The following STX1A variants were observed in gnomAD, a reference collection of about 807,000 sequenced individuals.
The protein encoded by STX1A is syntaxin-1A.
A neutral mutation model predicts 37.8 loss-of-function variants in STX1A; 4 were observed. That is an observed-to-expected ratio of 0.11 (90% CI 0.05 to 0.24). The LOEUF is 0.24. STX1A is among the 10% of genes least tolerant of loss of function. STX1A has a pLI of 1.00. For synonymous variants in STX1A, 135 were observed against 147.4 expected (o/e 0.92, Z 0.61); for missense variants, 251 against 399.9 (o/e 0.63, Z 3.18).
In STX1A at chr7:73,704,368, C is replaced by A. The variant is rs781895205; in HGVS notation, c.339G>T (p.Leu113=). ...GCCGCACCTGTGTCTTCCGGATCCT[C>A]AGGTCAGCGGAGGAGCGGTTCAGGC... ...EEGLNRSSAD[L]RIRKTQHSTL... is the part of the protein sequence containing the mutation. The change falls in exon 5 of 10, where the codon CTG becomes CTT. Residue 113 remains leucine, a synonymous_variant. Transcript: ENST00000222812. 3.7e-5 allele frequency: 59 copies of A among 1,614,178 alleles called. No individual in the cohort carries two copies. The highest frequency in any genetic ancestry group is 4.9e-5 in the Non-Finnish European group (58 of 1,180,024).
At position 73,706,698 on chromosome 7, in the gene STX1A, C is replaced by T. The variant is rs557482135; in HGVS notation, c.209-1474G>A. ...CGCCCCACCTGCCAGCAGTGAGAGACCCACTCCCCTGCTCTTTAGAGCCCT... is the reference window on the plus strand; with the variant it reads ...CGCCCCACCTGCCAGCAGTGAGAGATCCACTCCCCTGCTCTTTAGAGCCCT... On this transcript the variant is annotated intron_variant, in intron 3 of 9. Coordinates refer to ENST00000222812, the MANE Select transcript of STX1A (RefSeq NM_004603.4). This position sits in a 1 kb window ranked among gnomAD's most constrained non-coding sequence, Gnocchi z 4.6. 6.6e-6 allele frequency among the ~76,000 whole-genome samples: 1 copy of T among 152,138 alleles called. No homozygotes were observed. Among genetic ancestry groups the T allele is most frequent in the East Asian group, 1.9e-4 (1 of 5,156 alleles).
rs560394163 is a variant in STX1A, at chr7:73,709,443, G to A, written c.31-321C>T. ...TGGGGAGGCAAGCGAGCCTGGGGCC[G>A]GCCGCTCTGTCTGGGCCCTCTGGGT... On this transcript the variant is annotated intron_variant, in intron 1 of 9. Coordinates refer to ENST00000222812, the MANE Select transcript of STX1A (RefSeq NM_004603.4). The surrounding 1 kb of genome is among the most constrained non-coding windows in gnomAD (Gnocchi z 4.2). Among the ~76,000 whole-genome samples the A allele has an allele frequency of 2.6e-5, 4 of 152,178 alleles. No individual in the cohort carries two copies. The highest frequency in any genetic ancestry group is 1.9e-4 in the East Asian group (1 of 5,184).
At chr7:73,703,506 G>A in intron 7 of STX1A, 1 of 686,612 alleles carries the variant, frequency 1.5e-6, no homozygotes, top group Non-Finnish European at 2.7e-6. Context: ...AAGAGGAGGA[G>A]CCGCTGGCCG....
At position 73,703,663 on chromosome 7, in the gene STX1A, G is replaced by A; in HGVS notation, c.540+92C>T. On this transcript the variant is annotated intron_variant, in intron 7 of 9. Coordinates refer to ENST00000222812, the MANE Select transcript of STX1A (RefSeq NM_004603.4). ...AAAACCTGCCTTACAAGGGGTCTGT[G>A]TCCAAATACTGTCCAGACCCAGCAC... 7 of 1,437,350 alleles carry A rather than the reference G, an allele frequency of 4.9e-6. No homozygotes were observed. In the South Asian group the frequency reaches 6.1e-5, roughly 13 times the overall value. The allele number at this position is 1,437,350 out of a possible 1,614,324, so 89.0% of individuals were successfully genotyped here. A position where few individuals can be genotyped will look rare whatever the true frequency, so the allele number is the denominator to read the frequency against.
chr7:73,719,595 G>A lies in STX1A; in HGVS notation c.30+7C>T, dbSNP rs1182990811. The A allele has an allele frequency of 8.3e-7, 1 of 1,208,168 alleles. No homozygotes were observed. The highest frequency in any genetic ancestry group is 3.5e-5 in the East Asian group (1 of 28,762). 74.8% of individuals were successfully genotyped at this position (1,208,168 alleles called of 1,614,324 possible). On this transcript the variant is annotated splice_region_variant and intron_variant, in intron 1 of 9. Coordinates refer to ENST00000222812, the MANE Select transcript of STX1A (RefSeq NM_004603.4). ...GGCGGGCGGCCGCGCGCTGGGGCCG[G>A]ACTCACCGTGCGGAGCTCCTGGGTT...
Position 73,702,663 on chromosome 7 carries a change from G to A in STX1A, c.678+182C>T, listed in dbSNP as rs1798702851. 26 of 1,464,616 alleles carry A rather than the reference G, an allele frequency of 1.8e-5. No individual in the cohort carries two copies. The highest frequency in any genetic ancestry group is 2.4e-5 in the Non-Finnish European group (26 of 1,104,938). The allele number at this position is 1,464,616 out of a possible 1,614,324, so 90.7% of individuals were successfully genotyped here. ...GTCCTTGAAGCTCAAGCAGAGCCATGCAGAGGACAGGGACCTTCGGGTCGG... is the reference window on the plus strand; with the variant it reads ...GTCCTTGAAGCTCAAGCAGAGCCATACAGAGGACAGGGACCTTCGGGTCGG... On this transcript the variant is annotated intron_variant, in intron 8 of 9. Transcript: ENST00000222812. This position sits in a 1 kb window ranked among gnomAD's most constrained non-coding sequence, Gnocchi z 4.7.
chr7:73,704,258 TG>T lies in STX1A; in HGVS notation c.358-3del. ...AAACTTTCTGGACAGCGTGGAGTGC[TG>T]GGGGCCCGAGATGGAGGTGCAGGGG... On this transcript the variant is annotated splice_region_variant and splice_polypyrimidine_tract_variant and intron_variant, in intron 5 of 9. Transcript: ENST00000222812. 1 of 1,614,028 alleles carries T rather than the reference TG, an allele frequency of 6.2e-7. No homozygotes were observed. The highest frequency in any genetic ancestry group is 8.5e-7 in the Non-Finnish European group (1 of 1,179,992).
At chr7:73,703,925 C>A (rs1247014713) in intron 6 of STX1A, 97 bp from the exon 7 acceptor site, 73 of 1,410,528 alleles carry the variant, frequency 5.2e-5, no homozygotes, top group South Asian at 1.4e-4. Context: ...CGGGCTCCCC[C>A]CAGCCCCGAG....
Position 73,709,228 on chromosome 7 carries a change from T to C in STX1A, c.31-106A>G. The C allele has an allele frequency of 1.8e-6, 2 of 1,087,572 alleles. No individual in the cohort carries two copies. Among genetic ancestry groups the C allele is most frequent in the South Asian group, 1.3e-5 (1 of 75,010 alleles). 67.4% of individuals were successfully genotyped at this position (1,087,572 alleles called of 1,614,324 possible). A position where few individuals can be genotyped will look rare whatever the true frequency, so the allele number is the denominator to read the frequency against. ...AGGGCCCTGCCCCTCCCCCTCTCCC[T>C]GGGGGCCTCTGGGCAGGGACAAGAA... On this transcript the variant is annotated intron_variant, in intron 1 of 9. Coordinates refer to ENST00000222812, the MANE Select transcript of STX1A (RefSeq NM_004603.4). This position sits in a 1 kb window ranked among gnomAD's most constrained non-coding sequence, Gnocchi z 4.2.
At chr7:73,711,105 C>T (rs1269924052) in intron 1 of STX1A, among the ~76,000 whole-genome samples, 3 of 152,122 alleles carry the variant, frequency 2.0e-5, no homozygotes, top group Non-Finnish European at 4.4e-5. Context: ...CCTTTCACTT[C>T]AGCCTCCCAA....
Position 73,705,580 on chromosome 7 carries a change from A to T in STX1A, c.209-356T>A. Reference sequence around the variant, plus strand: ...GGAACAGTGACTTGATGCTTGCTGGAGTTGAAGGGGTGGGGGGGCGGTGTG... The same window carrying T: ...GGAACAGTGACTTGATGCTTGCTGGTGTTGAAGGGGTGGGGGGGCGGTGTG... On this transcript the variant is annotated intron_variant, in intron 3 of 9. Coordinates refer to ENST00000222812, the MANE Select transcript of STX1A (RefSeq NM_004603.4). The surrounding 1 kb of genome is among the most constrained non-coding windows in gnomAD (Gnocchi z 5.2). 1 of 280,870 alleles carries T rather than the reference A, an allele frequency of 3.6e-6. No homozygotes were observed. The allele number at this position is 280,870 out of a possible 1,614,324, so 17.4% of individuals were successfully genotyped here.
intron 1 of STX1A, among the ~76,000 whole-genome samples, chr7:73,715,250 C>T (rs1219048332): frequency 1.3e-5 from 2 of 151,884 alleles, no homozygotes; most frequent in Admixed American, 6.6e-5. Flanking sequence ...GGTGAAACCC[C>T]GTTGCTACTA....
chr7:73,708,118 G>A (rs1798943494), intron 3 of STX1A, among the ~76,000 whole-genome samples: 1 of 151,466 alleles, frequency 6.6e-6, no homozygotes, highest in East Asian at 1.9e-4. Flanking sequence ...CAAAAAATTA[G>A]CCGGGCATGG....
rs1798794335 is a variant in STX1A, at chr7:73,704,401, T to C, written c.306A>G (p.Gln102=). ...KLKSIEQSIE[Q]EEGLNRSSAD... ...CGGAGGAGCGGTTCAGGCCTTCCTCTTGCTCGATGGACTGCTCGATGCCTG... is the reference window on the plus strand; with the variant it reads ...CGGAGGAGCGGTTCAGGCCTTCCTCCTGCTCGATGGACTGCTCGATGCCTG... The change falls in exon 5 of 10, where the codon CAA becomes CAG. Residue 102 remains glutamine, a synonymous_variant. Coordinates refer to ENST00000222812, the MANE Select transcript of STX1A (RefSeq NM_004603.4). 1 of 1,614,000 alleles carries C rather than the reference T, an allele frequency of 6.2e-7. No homozygotes were observed. The highest frequency in any genetic ancestry group is 1.3e-5 in the African/African-American group (1 of 74,916).
At chr7:73,712,612 C>T (rs1353859105) in intron 1 of STX1A, among the ~76,000 whole-genome samples, 1 of 152,150 alleles carries the variant, frequency 6.6e-6, no homozygotes, top group Non-Finnish European at 1.5e-5. Context: ...TGCAAACCTC[C>T]TGTGACAGTG....
chr7:73,704,631 T>C, intron 4 of STX1A: 1 of 621,974 alleles, frequency 1.6e-6, no homozygotes, highest in South Asian at 1.9e-5. Flanking sequence ...TGTGTGTAAA[T>C]GCACACCCAC....
intron 3 of STX1A, among the ~76,000 whole-genome samples, chr7:73,708,047 C>T (rs1554617303): frequency 6.6e-6 from 1 of 151,300 alleles, no homozygotes; most frequent in Admixed American, 6.6e-5. Flanking sequence ...AGGTGGATCA[C>T]GAGGTCAGGA....
Position 73,708,590 on chromosome 7 carries a change from C to T in STX1A, c.207G>A (p.Glu69=), listed in dbSNP as rs1798973669. The part of the protein sequence containing the change: ...SAILASPNPD[E]KTKEELEELM... ...CCGTCCCCCGCCCCACACACTCACT[C>T]TCATCGGGGTTGGGGGATGCCAGGA... The change falls in exon 3 of 10, where the codon GAG becomes GAA. Residue 69 remains glutamate, a splice_region_variant and synonymous_variant. Transcript: ENST00000222812. 9 of 1,613,594 alleles carry T rather than the reference C, an allele frequency of 5.6e-6. No homozygotes were observed. Among genetic ancestry groups the T allele is most frequent in the Non-Finnish European group, 7.6e-6 (9 of 1,179,730 alleles).
At position 73,708,569 on chromosome 7, in the gene STX1A, C is replaced by T; in HGVS notation, c.208+20G>A. ...GAGGCTTGTGGGGCCTGAAACCCGT[C>T]CCCCGCCCCACACACTCACTCTCAT... On this transcript the variant is annotated intron_variant, in intron 3 of 9. Transcript: ENST00000222812. 6.2e-7 allele frequency: 1 copy of T among 1,607,686 alleles called. No individual in the cohort carries two copies. Among genetic ancestry groups the T allele is most frequent in the Non-Finnish European group, 8.5e-7 (1 of 1,176,412 alleles).
Sources: gnomAD v4.1 joint callset for allele counts (sites outside exome capture counted in the v4.1 genomes callset) on GRCh38, gnomAD v4.1.1 for gene constraint, Gnocchi (gnomAD v3.1) non-coding constraint, MANE v1.5 for transcripts, NCBI Gene and HGNC (gene_info 2026-07-23, HGNC 2026-07-21) for gene names.